Variants in STK4 observed in about 807,000 individuals in gnomAD.
STK4 encodes serine/threonine kinase 4.
Under a neutral mutation model 64.9 loss-of-function variants are expected in STK4, and 30 were observed. The ratio of observed to expected loss-of-function variants is 0.46; its 90% CI spans 0.35 to 0.63. The LOEUF is 0.63. STK4 is among the 20% of genes least tolerant of loss of function. STK4 has a pLI of 0.01. For synonymous variants in STK4, 177 were observed against 199.0 expected, an observed-to-expected ratio of 0.89 and a Z score of 0.93; for missense variants, 466 against 598.5, an observed-to-expected ratio of 0.78 and a Z score of 2.31.
At chr20:45,039,833 T>A (rs2068584545) in intron 10 of STK4, among the ~76,000 whole-genome samples, 1 of 152,128 alleles carries the variant, frequency 6.6e-6, no homozygotes, top group South Asian at 2.1e-4. Flanking sequence ...CACTTTTTGG[T>A]TTCTACTGAG....
intron 2 of STK4, 167 bp downstream of exon 2, chr20:44,972,325 AT>A (rs2067262478): frequency 3.4e-6 from 2 of 584,976 alleles, no homozygotes; most frequent in Admixed American, 6.1e-5. Flanking sequence ...TTATAGACAG[AT>A]TTAGTGATTC....
chr20:45,028,721 A>G (rs1405850905), intron 10 of STK4, among the ~76,000 whole-genome samples: 1 of 152,134 alleles, frequency 6.6e-6, no homozygotes, highest in East Asian at 1.9e-4. Context: ...AGAAATGTCT[A>G]TTCAGGCCTT....
At chr20:44,993,267 CAT>C (rs2067668745) in intron 5 of STK4, among the ~76,000 whole-genome samples, 2 of 149,848 alleles carry the variant, frequency 1.3e-5, no homozygotes, top group Admixed American at 1.3e-4. Context: ...CACACACATA[CAT>C]ATACACATAT....
At chr20:45,041,330 G>A (rs986551199) in intron 10 of STK4, among the ~76,000 whole-genome samples, 1 of 135,146 alleles carries the variant, frequency 7.4e-6, no homozygotes, top group East Asian at 1.9e-4. Context: ...TGCACGCACA[G>A]ACAAATACAT....
intron 10 of STK4, among the ~76,000 whole-genome samples, chr20:45,063,878 G>A (rs980901718): frequency 6.6e-6 from 1 of 151,848 alleles, no homozygotes; most frequent in Non-Finnish European, 1.5e-5. Context: ...TGTGATCTCG[G>A]CTCACTGCAA....
chr20:44,968,362 C>T (rs974645679), intron 1 of STK4, among the ~76,000 whole-genome samples: 1 of 152,228 alleles, frequency 6.6e-6, no homozygotes, highest in Non-Finnish European at 1.5e-5. Context: ...TGGTCTCTAT[C>T]TCCTGACCTC....
intron 4 of STK4, 68 bp from the exon 5 acceptor site, chr20:44,987,064 A>T (rs1054601106): frequency 2.2e-6 from 3 of 1,357,428 alleles, no homozygotes; most frequent in Non-Finnish European, 3.0e-6. Flanking sequence ...TTTGGATCTG[A>T]TTTTTTCTCC....
intron 4 of STK4, among the ~76,000 whole-genome samples, chr20:44,983,702 G>T (rs529563587): frequency 1.3e-5 from 2 of 152,156 alleles, no homozygotes; most frequent in Admixed American, 1.3e-4. Context: ...TTAGCCTGTG[G>T]TTTTTTTGTC....
intron 5 of STK4, among the ~76,000 whole-genome samples, chr20:44,988,931 T>TAACA (rs2067585835): frequency 6.6e-6 from 1 of 152,222 alleles, no homozygotes; most frequent in Admixed American, 6.5e-5. Flanking sequence ...CATAATGTTT[T>TAACA]TGAGTTCATC....
At chr20:45,068,509 CAAGT>C (rs1240884392) in intron 10 of STK4, among the ~76,000 whole-genome samples, 2 of 152,170 alleles carry the variant, frequency 1.3e-5, no homozygotes, top group African/African-American at 4.8e-5. Flanking sequence ...TCAGAGAGGA[CAAGT>C]AACTTGCCTA....
At chr20:45,068,872 G>A (rs553205783) in intron 10 of STK4, among the ~76,000 whole-genome samples, 1 of 152,312 alleles carries the variant, frequency 6.6e-6, no homozygotes, top group South Asian at 2.1e-4. Context: ...CCATATCTAT[G>A]TGTAGAATCC....
chr20:45,052,908 C>A (rs1978295578), intron 10 of STK4, among the ~76,000 whole-genome samples: 1 of 152,182 alleles, frequency 6.6e-6, no homozygotes. Context: ...TGGCTTTTTA[C>A]TGAAGTAGTC....
At chr20:45,066,016 A>G (rs1015066409) in intron 10 of STK4, among the ~76,000 whole-genome samples, 24 of 152,090 alleles carry the variant, frequency 1.6e-4, no homozygotes, top group Admixed American at 1.2e-3. Flanking sequence ...GATGCTGGCA[A>G]TTTGGATTTG....
intron 3 of STK4, among the ~76,000 whole-genome samples, chr20:44,979,320 C>G (rs1350081076): frequency 6.6e-6 from 1 of 152,004 alleles, no homozygotes; most frequent in Non-Finnish European, 1.5e-5. Context: ...TATGTATATA[C>G]TACTGTTTGT....
At chr20:45,036,301 G>A (rs563720834) in intron 10 of STK4, among the ~76,000 whole-genome samples, 2 of 152,282 alleles carry the variant, frequency 1.3e-5, no homozygotes, top group South Asian at 4.1e-4. Context: ...TAAGTAGCAT[G>A]CCATTCTGAG....
At chr20:45,021,069 C>G (rs1413108106) in intron 9 of STK4, among the ~76,000 whole-genome samples, 1 of 152,102 alleles carries the variant, frequency 6.6e-6, no homozygotes, top group African/African-American at 2.4e-5. Context: ...GTCTACCCAC[C>G]TTGGCCTCCA....
At chr20:45,008,275 G>A (rs1467605619) in intron 9 of STK4, among the ~76,000 whole-genome samples, 1 of 152,098 alleles carries the variant, frequency 6.6e-6, no homozygotes, top group Non-Finnish European at 1.5e-5. Flanking sequence ...GGCTGGTCTC[G>A]AACTCCTGAC....
Position 44,991,626 on chromosome 20 carries a change from C to T in STK4, c.526-3464C>T, listed in dbSNP as rs114043745. On this transcript the variant is annotated intron_variant, in intron 5 of 10. Transcript: ENST00000372806. ...TTATAAAAATTCGTTTGTAAATGTT[C>T]ATTTTTGTGTCAGTTTTCCTAATTG... is the stretch of plus-strand genomic sequence containing the variant. 9.5e-3 allele frequency among the ~76,000 whole-genome samples: 1,446 copies of T among 151,856 alleles called. 29 individuals carry two copies. The highest frequency in any genetic ancestry group is 0.033 in the African/African-American group (1,365 of 41,402).
At chr20:45,017,731 A>T (rs965327951) in intron 9 of STK4, among the ~76,000 whole-genome samples, 1 of 152,214 alleles carries the variant, frequency 6.6e-6, no homozygotes, top group Non-Finnish European at 1.5e-5. Flanking sequence ...CTCACCTGTG[A>T]ACATTTTTTA....
Sources: gnomAD v4.1 joint callset for allele counts (sites outside exome capture counted in the v4.1 genomes callset) on GRCh38, gnomAD v4.1.1 for gene constraint, MANE v1.5 for transcripts, NCBI Gene and HGNC (gene_info 2026-07-23, HGNC 2026-07-21) for gene names.